The following NCOA2 variants were observed in gnomAD, a reference collection of about 807,000 sequenced individuals.
NCOA2 encodes the protein class E basic helix-loop-helix protein 75.
A neutral mutation model predicts 145.1 loss-of-function variants in NCOA2; 21 were observed. The ratio of observed to expected loss-of-function variants is 0.14; its 90% CI spans 0.10 to 0.21. The LOEUF (loss-of-function observed/expected upper bound fraction) is 0.21, where lower values mean the gene tolerates loss of function less well. Among genes scored for constraint, NCOA2 ranks in the 10% least tolerant of loss-of-function variants. The pLI, the probability that NCOA2 is intolerant of heterozygous loss-of-function variation, is 1.00. For synonymous variants in NCOA2, 619 were observed against 637.5 expected (o/e 0.97, Z 0.44); for missense variants, 1,472 against 1,837.6 (o/e 0.80, Z 3.64).
chr8:70,424,226 A>G, the NCOA2 span: 1 of 370,246 alleles, frequency 2.7e-6, no homozygotes, highest in Non-Finnish European at 5.2e-6. Flanking sequence ...AGCCCTCTAC[A>G]GGCTGGAATC....
chr8:70,159,744 T>G lies in NCOA2; in HGVS notation c.977-92A>C, dbSNP rs1812739738. On this transcript the variant is annotated intron_variant, in intron 9 of 22. Coordinates refer to ENST00000452400, the MANE Select transcript of NCOA2 (RefSeq NM_006540.4). ...ACATAATAAGAGTAATCAACTTCATTAAGTTTCATAATAGTTTCCCACCAG... is the reference window on the plus strand; with the variant it reads ...ACATAATAAGAGTAATCAACTTCATGAAGTTTCATAATAGTTTCCCACCAG... The G allele has an allele frequency of 3.6e-6, 4 of 1,113,206 alleles. No individual in the cohort carries two copies. In the East Asian group the frequency reaches 1.0e-4, roughly 29 times the overall value. The allele number at this position is 1,113,206 out of a possible 1,614,324, so 69.0% of individuals were successfully genotyped here. A position where few individuals can be genotyped will look rare whatever the true frequency, so the allele number is the denominator to read the frequency against.
chr8:70,455,520 A>G, the NCOA2 span, among the ~76,000 whole-genome samples: 1 of 152,200 alleles, frequency 6.6e-6, no homozygotes, highest in South Asian at 2.1e-4. Context: ...AACTAAAGAC[A>G]ACAGTGTTTG....
chr8:70,203,758 C>A (rs1339556877), intron 4 of NCOA2, among the ~76,000 whole-genome samples: 1 of 152,198 alleles, frequency 6.6e-6, no homozygotes, highest in Non-Finnish European at 1.5e-5. Context: ...AAATTGGCAT[C>A]ATTCTTCAAA....
chr8:70,288,973 A>C (rs1395114160), intron 2 of NCOA2, among the ~76,000 whole-genome samples: 1 of 152,248 alleles, frequency 6.6e-6, no homozygotes, highest in Admixed American at 6.5e-5. Flanking sequence ...CTACTCAGTT[A>C]ATAAAATAAA....
intron 2 of NCOA2, among the ~76,000 whole-genome samples, chr8:70,289,259 A>C (rs2135602466): frequency 6.6e-6 from 1 of 152,358 alleles, no homozygotes; most frequent in South Asian, 2.1e-4. Context: ...AAAGAATTGA[A>C]AAGTTGAGAG....
intron 1 of NCOA2, among the ~76,000 whole-genome samples, chr8:70,379,389 A>G (rs940346259): frequency 6.6e-6 from 1 of 152,224 alleles, no homozygotes; most frequent in Admixed American, 6.5e-5. Context: ...AAACCTTTCA[A>G]GATCCCTAAT....
chr8:70,160,237 TAAAC>T (rs1375614960), intron 9 of NCOA2, among the ~76,000 whole-genome samples: 1 of 151,970 alleles, frequency 6.6e-6, no homozygotes, highest in Non-Finnish European at 1.5e-5. Flanking sequence ...AAGTAAAAGA[TAAAC>T]AATCAGAAGA....
intron 2 of NCOA2, among the ~76,000 whole-genome samples, chr8:70,234,388 C>T (rs1370479670): frequency 6.6e-6 from 1 of 152,168 alleles, no homozygotes; most frequent in African/African-American, 2.4e-5. Flanking sequence ...GGAATGGAAT[C>T]GGTGAGTCAT....
chr8:70,326,564 G>C (rs1289710193), intron 1 of NCOA2, among the ~76,000 whole-genome samples: 1 of 151,824 alleles, frequency 6.6e-6, no homozygotes, highest in African/African-American at 2.4e-5. Flanking sequence ...AAAACAAGGG[G>C]GGTTCACATG....
chr8:70,307,229 A>G (rs147357650), intron 1 of NCOA2, among the ~76,000 whole-genome samples: 101 of 151,344 alleles, frequency 6.7e-4, no homozygotes, highest in African/African-American at 2.3e-3. Flanking sequence ...GCAAAAAAAA[A>G]AAAAAAAAAA....
intron 1 of NCOA2, among the ~76,000 whole-genome samples, chr8:70,349,859 T>C (rs925693827): frequency 1.3e-5 from 2 of 152,100 alleles, no homozygotes; most frequent in African/African-American, 4.8e-5. Context: ...TAATATTATA[T>C]AGATAATTAA....
chr8:70,404,259 A>C (rs1481664920), upstream of NCOA2, among the ~76,000 whole-genome samples: 1 of 152,238 alleles, frequency 6.6e-6, no homozygotes, highest in Non-Finnish European at 1.5e-5. Context: ...ATGGGAGGGC[A>C]AAGGGCAATG....
intron 1 of NCOA2, among the ~76,000 whole-genome samples, chr8:70,322,869 G>A (rs1806204067): frequency 6.6e-6 from 1 of 152,098 alleles, no homozygotes; most frequent in Non-Finnish European, 1.5e-5. Flanking sequence ...AAGTGCTCAG[G>A]ACCTTCAAAA....
chr8:70,143,181 C>T (rs1401706685), intron 13 of NCOA2, among the ~76,000 whole-genome samples: 1 of 152,100 alleles, frequency 6.6e-6, no homozygotes, highest in Non-Finnish European at 1.5e-5. Context: ...AACTCCTGAC[C>T]TTGTCATCCA....
At chr8:70,367,889 A>T (rs1810856821) in intron 1 of NCOA2, among the ~76,000 whole-genome samples, 1 of 152,232 alleles carries the variant, frequency 6.6e-6, no homozygotes, top group Non-Finnish European at 1.5e-5. Context: ...AATTATTTCT[A>T]GCCCTAAAAT....
At chr8:70,337,678 C>T (rs1563779042) in intron 1 of NCOA2, among the ~76,000 whole-genome samples, 1 of 152,096 alleles carries the variant, frequency 6.6e-6, no homozygotes. Context: ...AGAAATGAGG[C>T]TAAAGCTGAT....
the NCOA2 span, among the ~76,000 whole-genome samples, chr8:70,412,881 G>A: frequency 6.6e-6 from 1 of 151,754 alleles, no homozygotes; most frequent in South Asian, 2.1e-4. Context: ...GTAGATCACT[G>A]GAGGCCAAGA....
intron 14 of NCOA2, among the ~76,000 whole-genome samples, chr8:70,140,134 C>T (rs1810222409): frequency 6.6e-6 from 1 of 152,116 alleles, no homozygotes; most frequent in African/African-American, 2.4e-5. Flanking sequence ...ATACAATTCA[C>T]CTATTTAAAG....
chr8:70,262,635 T>C (rs1284939834), intron 2 of NCOA2, among the ~76,000 whole-genome samples: 3 of 152,034 alleles, frequency 2.0e-5, no homozygotes, highest in Non-Finnish European at 4.4e-5. Context: ...GGACATTTAA[T>C]AGAGGAAGGA....
Sources: gnomAD v4.1 joint callset for allele counts (sites outside exome capture counted in the v4.1 genomes callset) on GRCh38, gnomAD v4.1.1 for gene constraint, MANE v1.5 for transcripts, NCBI Gene and HGNC (gene_info 2026-07-23, HGNC 2026-07-21) for gene names.